The following TACC1 variants were observed in gnomAD, a reference collection of about 807,000 sequenced individuals.
The protein encoded by TACC1 is transforming acidic coiled-coil-containing protein 1.
TACC1 carries 48 observed loss-of-function variants against 84.4 expected under a neutral mutation model. The ratio of observed to expected loss-of-function variants is 0.57; its 90% CI spans 0.45 to 0.72. The LOEUF is 0.72. Ranked by LOEUF, TACC1 falls within the 30% of genes least tolerant of loss-of-function variation. The probability of loss-of-function intolerance (pLI) is 0.00; values close to 1 mark genes in which losing one functional copy is unlikely to be tolerated. For synonymous variants in TACC1, 372 were observed against 376.3 expected, an observed-to-expected ratio of 0.99 and a Z score of 0.13; for missense variants, 920 against 973.0, an observed-to-expected ratio of 0.95 and a Z score of 0.72.
rs757938797 is a variant in TACC1, at chr8:38,788,768, G to C, written c.226G>C (p.Glu76Gln). 3.7e-6 allele frequency: 6 copies of C among 1,613,840 alleles called. No homozygotes were observed. The East Asian group carries it at 1.3e-4, about 36-fold the overall frequency. Reference sequence around the variant, plus strand: ...AACCCCGATCCGATCACCTTTCAAGGAGTCCTGTGATCCATCACTCGGATT... The same window carrying C: ...AACCCCGATCCGATCACCTTTCAAGCAGTCCTGTGATCCATCACTCGGATT... ...AETPIRSPFK[E>Q]SCDPSLGLAG... Residue 76 changes from glutamate to glutamine, a missense_variant, in exon 2 of 13, where the codon GAG becomes CAG. By Grantham distance (29) the Glu-to-Gln change is conservative. Transcript: ENST00000317827.
intron 2 of TACC1, among the ~76,000 whole-genome samples, chr8:38,807,793 A>T (rs189954501): frequency 5.3e-5 from 8 of 152,378 alleles, no homozygotes; most frequent in African/African-American, 1.4e-4. Flanking sequence ...AACAGGGTAC[A>T]AACTAGAATA....
chr8:38,732,438 A>C (rs1015333864), intron 1 of TACC1, among the ~76,000 whole-genome samples: 17 of 152,188 alleles, frequency 1.1e-4, no homozygotes, highest in Admixed American at 3.9e-4. Flanking sequence ...ACAACAAAAA[A>C]AAACCCAGGA....
chr8:38,773,591 T>C (rs1172213562), intron 3 of TACC1, among the ~76,000 whole-genome samples: 2 of 145,116 alleles, frequency 1.4e-5, no homozygotes, highest in Non-Finnish European at 3.0e-5. Flanking sequence ...TCTATCTAGC[T>C]ATCTATCTAT....
At chr8:38,819,466 G>A in intron 2 of TACC1, 56 bp from the exon 3 acceptor site, 1 of 1,511,520 alleles carries the variant, frequency 6.6e-7, no homozygotes, top group South Asian at 1.3e-5. Flanking sequence ...GGTAAGAGAG[G>A]ATACTTACCA....
chr8:38,787,820 T>C, intron 1 of TACC1, 77 bp downstream of exon 1: 1 of 1,332,684 alleles, frequency 7.5e-7, no homozygotes, highest in Non-Finnish European at 9.9e-7. Flanking sequence ...TGTGCGTGTG[T>C]GTGGTCGCCA....
chr8:38,769,586 G>A (rs1813092133), intron 3 of TACC1, among the ~76,000 whole-genome samples: 1 of 148,606 alleles, frequency 6.7e-6, no homozygotes, highest in Non-Finnish European at 1.5e-5. Context: ...TGTGTGTGGT[G>A]TATGTATATG....
rs1270980217 is a variant in TACC1, at chr8:38,768,482, C to T, written c.27-20222C>T. ...GGAACGTTCTAGTGCCCTCTGGTGG[C>T]TACTGCGGCTTCCGGCTGGTGAAGC... On this transcript the variant is annotated intron_variant, in intron 3 of 14. Transcript: ENST00000518415. 2.0e-5 allele frequency among the ~76,000 whole-genome samples: 3 copies of T among 152,322 alleles called. No homozygotes were observed. The East Asian group carries it at 5.8e-4, about 29-fold the overall frequency.
At chr8:38,760,602 C>T (rs1050207504) in intron 3 of TACC1, among the ~76,000 whole-genome samples, 1 of 152,054 alleles carries the variant, frequency 6.6e-6, no homozygotes, top group African/African-American at 2.4e-5. Context: ...CACATCTCGG[C>T]TCACTGCAAC....
chr8:38,837,313 C>T (rs1352644430), intron 7 of TACC1, among the ~76,000 whole-genome samples: 2 of 151,496 alleles, frequency 1.3e-5, no homozygotes, highest in Admixed American at 1.3e-4. Flanking sequence ...ATCCCAGCTA[C>T]TTGGGAGGCT....
chr8:38,820,753 A>G, intron 3 of TACC1, 118 bp downstream of exon 3: 1 of 1,383,814 alleles, frequency 7.2e-7, no homozygotes, highest in Admixed American at 2.2e-5. Flanking sequence ...AGGTTCATAC[A>G]AAGCTTATAA....
At chr8:38,836,020 T>G in intron 6 of TACC1, 142 bp from the exon 7 acceptor site, 2 of 1,135,292 alleles carry the variant, frequency 1.8e-6, no homozygotes, top group Non-Finnish European at 2.4e-6. Context: ...GATTTGTTTT[T>G]TAAAAAGCTT....
At chr8:38,807,959 C>A (rs1439750179) in intron 2 of TACC1, among the ~76,000 whole-genome samples, 1 of 152,238 alleles carries the variant, frequency 6.6e-6, no homozygotes, top group East Asian at 1.9e-4. Flanking sequence ...GCGATTCACA[C>A]AACCTTTTAG....
chr8:38,752,064 T>C (rs1809143041), intron 3 of TACC1, among the ~76,000 whole-genome samples: 1 of 152,202 alleles, frequency 6.6e-6, no homozygotes. Flanking sequence ...AGAGCATAAG[T>C]AGCATTCTGG....
intron 2 of TACC1, among the ~76,000 whole-genome samples, chr8:38,815,463 A>G (rs1489297291): frequency 6.6e-6 from 1 of 152,166 alleles, no homozygotes; most frequent in African/African-American, 2.4e-5. Flanking sequence ...CTTGTTGCCC[A>G]GACTGGAGTG....
rs757246117 is a variant in TACC1, at chr8:38,788,936, G to C, written c.277+117G>C. ...CATTTAAGAGAGTTTGACTAAGAAA[G>C]AGCTGTTTGAAACCTCCTGGCTTAT... On this transcript the variant is annotated intron_variant, in intron 2 of 12. Coordinates refer to ENST00000317827, the MANE Select transcript of TACC1 (RefSeq NM_006283.3). 5.0e-5 allele frequency: 41 copies of C among 817,490 alleles called. 1 individual carries two copies. The highest frequency in any genetic ancestry group is 1.7e-4 in the Admixed American group (6 of 35,432). 50.6% of individuals were successfully genotyped at this position (817,490 alleles called of 1,614,324 possible).
chr8:38,768,939 G>T (rs1812843039), intron 3 of TACC1, among the ~76,000 whole-genome samples: 1 of 150,150 alleles, frequency 6.7e-6, no homozygotes, highest in South Asian at 2.1e-4. Flanking sequence ...TGTGTGTGGG[G>T]TGTATATGTG....
At chr8:38,733,625 GC>G (rs1309976655) in intron 1 of TACC1, among the ~76,000 whole-genome samples, 1 of 152,084 alleles carries the variant, frequency 6.6e-6, no homozygotes, top group Non-Finnish European at 1.5e-5. Context: ...CCTAGCACCA[GC>G]TCAGCAGGGA....
At position 38,787,657 on chromosome 8, in the gene TACC1, G is replaced by A. The variant is rs931527488; in HGVS notation, c.75G>A (p.Gly25=). 7 of 1,549,964 alleles carry A rather than the reference G, an allele frequency of 4.5e-6. No homozygotes were observed. In the Middle Eastern group the frequency reaches 6.7e-4, roughly 149 times the overall value. The part of the protein sequence containing the change: ...AKWTWSAVRG[G]AAGEDEAGGP... ...GGACGTGGTCTGCGGTACGCGGCGG[G>A]GCCGCCGGCGAGGACGAGGCTGGCG... The change falls in exon 1 of 13, where the codon GGG becomes GGA. Residue 25 remains glycine, a synonymous_variant. Coordinates refer to ENST00000317827, the MANE Select transcript of TACC1 (RefSeq NM_006283.3).
In TACC1 at chr8:38,851,352, TCTAATTA is replaced by T. The variant is rs1833061398; in HGVS notation, c.*3330_*3336del. 6.6e-6 allele frequency: 1 copy of T among 152,590 alleles called. No individual in the cohort carries two copies. The highest frequency in any genetic ancestry group is 1.5e-5 in the Non-Finnish European group (1 of 68,332). The allele number at this position is 152,590 out of a possible 1,614,324, so 9.5% of individuals were successfully genotyped here. A position where few individuals can be genotyped will look rare whatever the true frequency, so the allele number is the denominator to read the frequency against. The stretch of plus-strand genomic sequence containing the variant: ...ATTTATTAGATAGCCCTGAATTCAC[TCTAATTA>T]TAAACAGGGAGTGTAAACTGCCCCC... On this transcript the variant is annotated 3_prime_UTR_variant, in exon 13 of 13. Coordinates refer to ENST00000317827, the MANE Select transcript of TACC1 (RefSeq NM_006283.3).
Sources: allele counts gnomAD v4.1 joint callset (sites outside exome capture counted in the v4.1 genomes callset), GRCh38; gene constraint gnomAD v4.1.1; transcripts MANE v1.5; gene names NCBI Gene and HGNC (gene_info 2026-07-23, HGNC 2026-07-21).